PLA2G6: variants seen among roughly 807,000 people sequenced by gnomAD.
The protein encoded by PLA2G6 is 85/88 kDa calcium-independent phospholipase A2.
PLA2G6 carries 62 observed loss-of-function variants against 83.8 expected under a neutral mutation model. The observed-to-expected ratio is 0.74, with a 90% CI of 0.60 to 0.91. The LOEUF (loss-of-function observed/expected upper bound fraction) is 0.91. Ranked by LOEUF, PLA2G6 falls within the 40% of genes least tolerant of loss-of-function variation. The pLI is 0.00. For synonymous variants in PLA2G6, 417 were observed against 449.8 expected (o/e 0.93, Z 0.92); for missense variants, 944 against 1,102.0 (o/e 0.86, Z 2.03).
intron 10 of PLA2G6, among the ~76,000 whole-genome samples, chr22:38,125,030 G>A (rs2087752730): frequency 6.6e-6 from 1 of 152,212 alleles, no homozygotes; most frequent in Admixed American, 6.5e-5. Context: ...CAGAATCTGG[G>A]GAATCTGCTT....
intron 1 of PLA2G6, among the ~76,000 whole-genome samples, chr22:38,171,482 A>G (rs2090437263): frequency 6.6e-6 from 1 of 152,022 alleles, no homozygotes; most frequent in African/African-American, 2.4e-5. Flanking sequence ...AGTAGCTAGG[A>G]CTACAGGTGT....
intron 1 of PLA2G6, among the ~76,000 whole-genome samples, chr22:38,172,793 A>T (rs2090485939): frequency 6.6e-6 from 1 of 152,238 alleles, no homozygotes; most frequent in Non-Finnish European, 1.5e-5. Context: ...CAGTGAAATC[A>T]AAGAAAGATT....
intron 14 of PLA2G6, 177 bp from the exon 15 acceptor site, chr22:38,113,831 C>A (rs1191546064): frequency 1.4e-6 from 1 of 706,506 alleles, no homozygotes; most frequent in South Asian, 1.5e-5. Flanking sequence ...GCACGTGACC[C>A]CAGAACGGCT....
chr22:38,124,554 GA>G (rs1472905857), intron 10 of PLA2G6, among the ~76,000 whole-genome samples: 1 of 152,162 alleles, frequency 6.6e-6, no homozygotes, highest in East Asian at 1.9e-4. Context: ...GAAGCTGAGA[GA>G]AGCCTGCCCT....
intron 2 of PLA2G6, among the ~76,000 whole-genome samples, chr22:38,158,087 T>C (rs976943229): frequency 6.6e-6 from 1 of 151,962 alleles, no homozygotes; most frequent in African/African-American, 2.4e-5. Flanking sequence ...TCCTCTGTCA[T>C]GGCCAGAAGT....
chr22:38,146,280 A>T, intron 2 of PLA2G6: 1 of 151,642 alleles, frequency 6.6e-6, no homozygotes, highest in Admixed American at 6.4e-5. Context: ...CAGGCAATCC[A>T]CCCCCCTCAG....
chr22:38,135,189 T>C (rs1317897196), intron 5 of PLA2G6, 105 bp from the exon 6 acceptor site: 11 of 798,544 alleles, frequency 1.4e-5, no homozygotes, highest in Non-Finnish European at 2.0e-5. Flanking sequence ...AGAGCATCAC[T>C]GCAAACAAAG....
chr22:38,162,332 A>AAG (rs2090051339), intron 2 of PLA2G6, among the ~76,000 whole-genome samples: 1 of 151,976 alleles, frequency 6.6e-6, no homozygotes, highest in African/African-American at 2.4e-5. Flanking sequence ...CAGGATGACG[A>AAG]AGAGAGAGAG....
At chr22:38,177,623 C>T (rs1288209928) in intron 1 of PLA2G6, among the ~76,000 whole-genome samples, 5 of 151,976 alleles carry the variant, frequency 3.3e-5, no homozygotes, top group African/African-American at 1.2e-4. Flanking sequence ...CCACCACACT[C>T]GGCTAATTTT....
At chr22:38,173,189 G>T (rs930421968) in intron 1 of PLA2G6, among the ~76,000 whole-genome samples, 2 of 152,134 alleles carry the variant, frequency 1.3e-5, no homozygotes, top group Non-Finnish European at 2.9e-5. Context: ...ACAGCTGCAA[G>T]AGGGGGATGG....
intron 2 of PLA2G6, among the ~76,000 whole-genome samples, chr22:38,167,335 T>C (rs1350265553): frequency 6.6e-6 from 1 of 152,082 alleles, no homozygotes; most frequent in African/African-American, 2.4e-5. Context: ...CCTCCTGGGA[T>C]GGAGGTCTGC....
intron 2 of PLA2G6, chr22:38,148,257 G>C (rs2089377100): frequency 2.2e-6 from 1 of 459,164 alleles, no homozygotes; most frequent in Non-Finnish European, 3.9e-6. Context: ...TTTTTGAGGA[G>C]TTTTGCTGTG....
intron 2 of PLA2G6, chr22:38,147,874 A>G (rs1339847567): frequency 6.5e-6 from 1 of 153,448 alleles, no homozygotes; most frequent in African/African-American, 2.4e-5. Context: ...ATTATGGAGG[A>G]GATCAACAAA....
In PLA2G6 at chr22:38,126,922, C is replaced by T. The variant is rs563647616; in HGVS notation, c.1349-473G>A. ...ATTTAGTCAAAAGGCTGAGTCAGGACGTTCCTCGGGGTTTAAGTCCATGGA... is the reference window on the plus strand; with the variant it reads ...ATTTAGTCAAAAGGCTGAGTCAGGATGTTCCTCGGGGTTTAAGTCCATGGA... On this transcript the variant is annotated intron_variant, in intron 9 of 16. Transcript: ENST00000332509. 314 of 836,396 alleles carry T rather than the reference C, an allele frequency of 3.8e-4. No individual in the cohort carries two copies. The African/African-American group carries it at 5.1e-3, about 14-fold the overall frequency. 51.8% of individuals were successfully genotyped at this position (836,396 alleles called of 1,614,324 possible).
intron 9 of PLA2G6, 146 bp from the exon 10 acceptor site, chr22:38,126,595 A>C: frequency 1.5e-6 from 1 of 673,388 alleles, no homozygotes; most frequent in Non-Finnish European, 2.7e-6. Flanking sequence ...TCCCTTCCCC[A>C]CAGGAAGGAC....
intron 11 of PLA2G6, among the ~76,000 whole-genome samples, chr22:38,121,308 C>T (rs1236686884): frequency 5.3e-5 from 8 of 152,078 alleles, no homozygotes; most frequent in East Asian, 1.9e-4. Context: ...AACCCGGGAG[C>T]GGAGGTTGCA....
chr22:38,142,363 T>G (rs906534243), intron 4 of PLA2G6: 4 of 152,720 alleles, frequency 2.6e-5, no homozygotes, highest in African/African-American at 9.7e-5. Context: ...ATATATGAAA[T>G]AGCTATTTAA....
chr22:38,174,214 G>A (rs894511838), intron 1 of PLA2G6, among the ~76,000 whole-genome samples: 8 of 151,978 alleles, frequency 5.3e-5, no homozygotes, highest in African/African-American at 1.7e-4. Context: ...GGCTAACATG[G>A]TGAAACCCCG....
At chr22:38,158,910 A>C (rs2089898410) in intron 2 of PLA2G6, among the ~76,000 whole-genome samples, 1 of 152,190 alleles carries the variant, frequency 6.6e-6, no homozygotes, top group African/African-American at 2.4e-5. Context: ...CCATTTAAAA[A>C]GCGGCTTGCC....
Sources: gnomAD v4.1 joint callset for allele counts (sites outside exome capture counted in the v4.1 genomes callset) on GRCh38, gnomAD v4.1.1 for gene constraint, MANE v1.5 for transcripts, NCBI Gene and HGNC (gene_info 2026-07-23, HGNC 2026-07-21) for gene names.